Variants in CCDC150 observed in about 807,000 individuals in gnomAD.
The protein encoded by CCDC150 is coiled-coil domain-containing protein 150.
Under a neutral mutation model 156.5 loss-of-function variants are expected in CCDC150, and 151 were observed. The ratio of observed to expected loss-of-function variants is 0.97; its 90% CI spans 0.85 to 1.10. The LOEUF (loss-of-function observed/expected upper bound fraction) is 1.10, where lower values mean the gene tolerates loss of function less well. Ranked by LOEUF, CCDC150 falls within the 50% of genes least tolerant of loss-of-function variation. The probability of loss-of-function intolerance (pLI) is 0.00; values close to 1 mark genes in which losing one functional copy is unlikely to be tolerated. For synonymous variants in CCDC150, 452 were observed against 429.4 expected, an observed-to-expected ratio of 1.05 and a Z score of -0.65; for missense variants, 1,312 against 1,268.1, an observed-to-expected ratio of 1.03 and a Z score of -0.53.
rs150145344 is a variant in CCDC150 at position 196,678,163 on chromosome 2, G to A, written c.1509+802G>A. On this transcript the variant is annotated intron_variant, in intron 13 of 27. Transcript: ENST00000389175. ...CAATCTTTAAAACATTGCTGTTTGC[G>A]TTTCAAATTTTGAAGAGAGTAAAGA... 2.4e-4 allele frequency among the ~76,000 whole-genome samples: 36 copies of A among 152,294 alleles called. No homozygotes were observed. In the East Asian group the frequency reaches 6.2e-3, roughly 26 times the overall value.
chr2:196,715,884 TTA>T (rs1469055653), intron 17 of CCDC150, among the ~76,000 whole-genome samples: 13 of 152,268 alleles, frequency 8.5e-5, no homozygotes, highest in African/African-American at 3.1e-4. Flanking sequence ...AATTGACAAC[TTA>T]TGCTCTTCAG....
intron 13 of CCDC150, among the ~76,000 whole-genome samples, chr2:196,685,432 C>G (rs184211689): frequency 6.6e-6 from 1 of 152,272 alleles, no homozygotes; most frequent in Admixed American, 6.5e-5. Context: ...GGAGAAATTA[C>G]TCCACGTTTT....
chr2:196,646,190 C>T (rs1336189892), intron 1 of CCDC150, 151 bp from the exon 2 acceptor site: 1 of 625,858 alleles, frequency 1.6e-6, no homozygotes, highest in Non-Finnish European at 2.8e-6. Flanking sequence ...GCTCTTATAA[C>T]TTCCACCTAC....
chr2:196,711,739 T>C (rs1697128850), intron 15 of CCDC150, among the ~76,000 whole-genome samples: 2 of 152,208 alleles, frequency 1.3e-5, no homozygotes, highest in South Asian at 4.1e-4. Flanking sequence ...TGGTCTGATA[T>C]GTCTGCTTCT....
At position 196,666,806 on chromosome 2, in the gene CCDC150, G is replaced by C. The variant is rs756402112; in HGVS notation, c.850G>C (p.Glu284Gln). Reference sequence around the variant, plus strand: ...ACTGGCCCAGGAACAAAAAAAAAAAGAAGAGTTGGAGATTGCTACTTCACA... The same window carrying C: ...ACTGGCCCAGGAACAAAAAAAAAAACAAGAGTTGGAGATTGCTACTTCACA... ...ELLAQEQKKKEELEIATSQLK... is the reference protein window; with the variant it reads ...ELLAQEQKKKQELEIATSQLK... Residue 284 changes from glutamate to glutamine, a missense_variant, in exon 7 of 28, where the codon GAA becomes CAA. By Grantham distance (29) the Glu-to-Gln change is conservative. Coordinates refer to ENST00000389175, the MANE Select transcript of CCDC150 (RefSeq NM_001080539.2). The C allele has an allele frequency of 6.3e-7, 1 of 1,597,258 alleles. No individual in the cohort carries two copies. Among genetic ancestry groups the C allele is most frequent in the South Asian group, 1.1e-5 (1 of 88,400 alleles).
intron 17 of CCDC150, among the ~76,000 whole-genome samples, chr2:196,714,562 C>T (rs897127558): frequency 2.0e-5 from 3 of 152,144 alleles, no homozygotes; most frequent in Non-Finnish European, 2.9e-5. Flanking sequence ...GTTAATTGGA[C>T]TTAGCTTCCC....
chr2:196,690,909 C>T (rs993770415), intron 13 of CCDC150, among the ~76,000 whole-genome samples: 4 of 152,026 alleles, frequency 2.6e-5, no homozygotes, highest in African/African-American at 4.8e-5. Flanking sequence ...GAGTTTTTAA[C>T]GTGAAGGGAT....
intron 17 of CCDC150, chr2:196,713,623 G>A (rs1263425235): frequency 6.7e-7 from 1 of 1,499,514 alleles, no homozygotes; most frequent in Non-Finnish European, 8.9e-7. Flanking sequence ...GCAAAATAGA[G>A]ATTCTAGCCT....
chr2:196,704,761 ATGT>A (rs1696488501), intron 15 of CCDC150, among the ~76,000 whole-genome samples: 1 of 151,814 alleles, frequency 6.6e-6, no homozygotes, highest in African/African-American at 2.4e-5. Flanking sequence ...CCAGGTGTTG[ATGT>A]TGTTCAATTC....
At chr2:196,728,253 A>G (rs1421551545) in intron 22 of CCDC150, among the ~76,000 whole-genome samples, 1 of 152,224 alleles carries the variant, frequency 6.6e-6, no homozygotes, top group Non-Finnish European at 1.5e-5. Context: ...GTTAGTGCTT[A>G]TCCAGTTTTA....
intron 15 of CCDC150, among the ~76,000 whole-genome samples, chr2:196,710,292 A>G (rs1031654031): frequency 6.6e-6 from 1 of 152,266 alleles, no homozygotes; most frequent in African/African-American, 2.4e-5. Flanking sequence ...CCGTGGGCAT[A>G]GGACCCGCCA....
chr2:196,731,522 CCAAGTAGCTGGG>C (rs1385601354), intron 26 of CCDC150, among the ~76,000 whole-genome samples: 7 of 151,308 alleles, frequency 4.6e-5, no homozygotes, highest in Non-Finnish European at 7.4e-5. Context: ...TCCCAAGTAG[CCAAGTAGCTGGG>C]CATGGTGGTG....
intron 2 of CCDC150, among the ~76,000 whole-genome samples, chr2:196,652,726 C>T (rs1404550372): frequency 6.6e-6 from 1 of 152,248 alleles, no homozygotes; most frequent in Non-Finnish European, 1.5e-5. Flanking sequence ...CCACATTTCC[C>T]TTCAGTGCTG....
chr2:196,654,516 T>G (rs1263875047), intron 2 of CCDC150, among the ~76,000 whole-genome samples: 1 of 152,116 alleles, frequency 6.6e-6, no homozygotes, highest in African/African-American at 2.4e-5. Context: ...TTCCACTTCA[T>G]ATAGTCTGCC....
chr2:196,648,867 G>C (rs992347794), intron 2 of CCDC150, among the ~76,000 whole-genome samples: 4 of 152,128 alleles, frequency 2.6e-5, no homozygotes, highest in Non-Finnish European at 5.9e-5. Flanking sequence ...TGGATAGTCA[G>C]TTTTCCTAAT....
At chr2:196,712,992 TG>T in intron 17 of CCDC150, 1 of 519,444 alleles carries the variant, frequency 1.9e-6, no homozygotes, top group Admixed American at 3.4e-5. Flanking sequence ...ATGTAACTTC[TG>T]TGTCTATGAT....
intron 15 of CCDC150, 69 bp from the exon 16 acceptor site, chr2:196,712,076 A>G (rs1264848192): frequency 5.6e-6 from 3 of 538,944 alleles, no homozygotes; most frequent in Admixed American, 6.6e-5. Context: ...GTATATAAAT[A>G]TGTGTAAATA....
Position 196,640,445 on chromosome 2 carries a change from C to G in CCDC150, c.12+667C>G, listed in dbSNP as rs761729895. Among the ~76,000 whole-genome samples, 5 of 152,294 alleles carry G rather than the reference C, an allele frequency of 3.3e-5. No homozygotes were observed. The South Asian group carries it at 6.2e-4, about 19-fold the overall frequency. On this transcript the variant is annotated intron_variant, in intron 1 of 27. Transcript: ENST00000389175. ...TTTAATCCTTTGTGTTCTCTGTTATCCCGCCTTATGGTTTTCTTGAGCTCT... is the reference window on the plus strand; with the variant it reads ...TTTAATCCTTTGTGTTCTCTGTTATGCCGCCTTATGGTTTTCTTGAGCTCT...
chr2:196,681,724 A>G lies in CCDC150; in HGVS notation c.1509+4363A>G, dbSNP rs1309334416. Among the ~76,000 whole-genome samples, 3 of 152,158 alleles carry G rather than the reference A, an allele frequency of 2.0e-5. No individual in the cohort carries two copies. The South Asian group carries it at 6.2e-4, about 31-fold the overall frequency. On this transcript the variant is annotated intron_variant, in intron 13 of 27. Transcript: ENST00000389175. ...TATTTCCATAGTAACTAATGACGTT[A>G]AGCAGCTTCTTGTGTGCTTACTGGC...
Sources: gnomAD v4.1 joint callset for allele counts (sites outside exome capture counted in the v4.1 genomes callset) on GRCh38, gnomAD v4.1.1 for gene constraint, MANE v1.5 for transcripts, NCBI Gene and HGNC (gene_info 2026-07-23, HGNC 2026-07-21) for gene names.